Variants in ARHGEF3 observed in about 807,000 individuals in gnomAD.
The protein encoded by ARHGEF3 is 59.8 kDA protein.
A neutral mutation model predicts 63.2 loss-of-function variants in ARHGEF3; 28 were observed. The ratio of observed to expected loss-of-function variants is 0.44; its 90% CI spans 0.33 to 0.61. ARHGEF3 has a LOEUF of 0.61. Among genes scored for constraint, ARHGEF3 ranks in the 20% least tolerant of loss-of-function variants. The pLI, the probability that ARHGEF3 is intolerant of heterozygous loss-of-function variation, is 0.03. For missense variants in ARHGEF3, 533 were observed against 659.3 expected (o/e 0.81, Z 2.10); for synonymous variants, 266 against 254.2 (o/e 1.05, Z -0.44).
chr3:57,053,046 C>A (rs935398957), intron 1 of ARHGEF3, among the ~76,000 whole-genome samples: 2 of 152,198 alleles, frequency 1.3e-5, no homozygotes, highest in Non-Finnish European at 2.9e-5. Context: ...TCCACCCTAC[C>A]CACCACCACC....
At chr3:56,987,583 G>A (rs1321435227) in intron 2 of ARHGEF3, among the ~76,000 whole-genome samples, 5 of 152,174 alleles carry the variant, frequency 3.3e-5, no homozygotes, top group Admixed American at 3.3e-4. Flanking sequence ...CCTTAGCTAA[G>A]AGCCACTACA....
At chr3:57,000,302 G>A (rs1327944073) in intron 2 of ARHGEF3, among the ~76,000 whole-genome samples, 2 of 74,164 alleles carry the variant, frequency 2.7e-5, no homozygotes, top group Non-Finnish European at 5.6e-5. Context: ...TTTTTTAGAG[G>A]GTAACTCCCA....
At chr3:56,773,902 C>T in intron 1 of ARHGEF3, 86 bp from the exon 2 acceptor site, 2 of 1,094,356 alleles carry the variant, frequency 1.8e-6, no homozygotes, top group South Asian at 1.5e-5. Flanking sequence ...TGTTCCACTC[C>T]ACAAGGTACT....
At chr3:56,819,139 G>A (rs1161685519) in intron 4 of ARHGEF3, among the ~76,000 whole-genome samples, 1 of 152,134 alleles carries the variant, frequency 6.6e-6, no homozygotes, top group Non-Finnish European at 1.5e-5. Context: ...AAACTAGGCT[G>A]CCTCATGAAC....
intron 1 of ARHGEF3, among the ~76,000 whole-genome samples, chr3:56,789,898 C>T (rs553269456): frequency 6.6e-6 from 1 of 152,284 alleles, no homozygotes; most frequent in East Asian, 1.9e-4. Context: ...TAAAGACACA[C>T]TAATTCCAAG....
intron 4 of ARHGEF3, among the ~76,000 whole-genome samples, chr3:56,843,569 A>T (rs969533669): frequency 2.0e-5 from 3 of 152,162 alleles, no homozygotes; most frequent in Non-Finnish European, 4.4e-5. Context: ...GCCCAGCCCA[A>T]ATTTCTGTAA....
intron 9 of ARHGEF3, among the ~76,000 whole-genome samples, 169 bp from the exon 10 acceptor site, chr3:56,729,791 T>C (rs1373426763): frequency 2.6e-5 from 4 of 152,172 alleles, no homozygotes; most frequent in Admixed American, 6.5e-5. Flanking sequence ...GCAGCCACCA[T>C]CAGGGAGATG....
chr3:56,955,614 C>A (rs1449330195), intron 3 of ARHGEF3, among the ~76,000 whole-genome samples: 2 of 152,202 alleles, frequency 1.3e-5, no homozygotes, highest in African/African-American at 4.8e-5. Flanking sequence ...ATTCTGAAAC[C>A]TCCCTTTCTA....
intron 3 of ARHGEF3, among the ~76,000 whole-genome samples, chr3:56,895,991 G>C (rs1411737072): frequency 1.3e-5 from 2 of 152,140 alleles, no homozygotes; most frequent in Non-Finnish European, 2.9e-5. Context: ...TGCAGGCACA[G>C]GGGGCTGGCA....
At chr3:57,008,290 G>C (rs890017235) in intron 2 of ARHGEF3, among the ~76,000 whole-genome samples, 1 of 152,106 alleles carries the variant, frequency 6.6e-6, no homozygotes. Context: ...CGAGAATGAA[G>C]ACCACGCTCA....
chr3:56,833,174 C>T (rs138813147), intron 4 of ARHGEF3, among the ~76,000 whole-genome samples: 1 of 152,264 alleles, frequency 6.6e-6, no homozygotes, highest in Non-Finnish European at 1.5e-5. Flanking sequence ...CCAAACTCTT[C>T]TCCACAACAG....
intron 4 of ARHGEF3, among the ~76,000 whole-genome samples, chr3:56,878,540 A>G (rs1232595594): frequency 6.6e-6 from 1 of 152,160 alleles, no homozygotes; most frequent in Admixed American, 6.5e-5. Flanking sequence ...GTCAGAAAAC[A>G]ATTATTTGGA....
intron 3 of ARHGEF3, among the ~76,000 whole-genome samples, chr3:56,901,950 C>T (rs1398306829): frequency 3.3e-5 from 5 of 152,134 alleles, no homozygotes; most frequent in Admixed American, 1.3e-4. Context: ...GCTTATCTAA[C>T]GTGTATTTTC....
At chr3:56,800,474 G>A (rs943054432) in intron 1 of ARHGEF3, among the ~76,000 whole-genome samples, 1 of 152,092 alleles carries the variant, frequency 6.6e-6, no homozygotes, top group African/African-American at 2.4e-5. Flanking sequence ...TTTGAGTGAG[G>A]GAGAAGTTAG....
chr3:56,908,383 A>G (rs11915545), intron 3 of ARHGEF3, among the ~76,000 whole-genome samples: 16,599 of 152,218 alleles, frequency 0.11, 1,052 homozygotes, highest in Middle Eastern at 0.15. Context: ...CCTCAGCACA[A>G]ATGTCCCCAT....
At chr3:56,958,896 G>A (rs10446484) in intron 2 of ARHGEF3, 3 of 1,549,398 alleles carry the variant, frequency 1.9e-6, no homozygotes, top group South Asian at 1.2e-5. Context: ...AGGCCTAGAA[G>A]AGAAAAGACA....
intron 3 of ARHGEF3, among the ~76,000 whole-genome samples, chr3:56,925,964 C>G: frequency 6.6e-6 from 1 of 152,212 alleles, no homozygotes; most frequent in East Asian, 1.9e-4. Flanking sequence ...TTCCTTTGTT[C>G]AACAGAAATG....
At chr3:56,981,381 T>G (rs1701321289) in intron 2 of ARHGEF3, among the ~76,000 whole-genome samples, 1 of 152,136 alleles carries the variant, frequency 6.6e-6, no homozygotes, top group Admixed American at 6.5e-5. Context: ...ATTACCAGAC[T>G]GAAAAGTTGG....
At chr3:56,975,663 G>A (rs1210633962) in intron 2 of ARHGEF3, 3 of 267,262 alleles carry the variant, frequency 1.1e-5, no homozygotes, top group African/African-American at 6.8e-5. Context: ...TCAAACCCAG[G>A]CAATCTGGCT....
Sources: allele counts gnomAD v4.1 joint callset (sites outside exome capture counted in the v4.1 genomes callset), GRCh38; gene constraint gnomAD v4.1.1; transcripts MANE v1.5; gene names NCBI Gene and HGNC (gene_info 2026-07-23, HGNC 2026-07-21).